Variants in SYT1 observed in about 807,000 individuals in gnomAD.
SYT1 encodes the protein synaptotagmin-1.
In SYT1, 8 loss-of-function variants were observed where a neutral mutation model predicts 44.8. The observed-to-expected ratio is 0.18, with a 90% CI of 0.10 to 0.32. The LOEUF is 0.32. Among genes scored for constraint, SYT1 ranks in the 10% least tolerant of loss-of-function variants. The pLI is 1.00. For missense variants in SYT1, 286 were observed against 509.3 expected, an observed-to-expected ratio of 0.56 and a Z score of 4.22; for synonymous variants, 154 against 188.8, an observed-to-expected ratio of 0.82 and a Z score of 1.51.
chr12:79,272,403 G>C (rs956960288), intron 4 of SYT1, among the ~76,000 whole-genome samples: 1 of 152,112 alleles, frequency 6.6e-6, no homozygotes, highest in Non-Finnish European at 1.5e-5. Context: ...ATAATATCAG[G>C]TCTACACCTT....
chr12:79,287,668 C>T (rs1172415327), intron 5 of SYT1, among the ~76,000 whole-genome samples: 1 of 152,102 alleles, frequency 6.6e-6, no homozygotes, highest in Non-Finnish European at 1.5e-5. Context: ...GATAGCATTT[C>T]TTCCTAGGAC....
At chr12:79,427,017 A>G (rs570091469) in intron 9 of SYT1, among the ~76,000 whole-genome samples, 38 of 152,318 alleles carry the variant, frequency 2.5e-4, no homozygotes, top group African/African-American at 8.4e-4. Context: ...CCCTTCTGCC[A>G]TGATTGTAAG....
intron 1 of SYT1, among the ~76,000 whole-genome samples, chr12:78,908,316 C>T (rs114582788): frequency 6.9e-4 from 104 of 151,824 alleles, no homozygotes; most frequent in African/African-American, 2.5e-3. Flanking sequence ...TTTCTTAATC[C>T]ATTATTTTAG....
At chr12:79,347,531 G>C (rs1478421297) in intron 8 of SYT1, among the ~76,000 whole-genome samples, 2 of 152,126 alleles carry the variant, frequency 1.3e-5, no homozygotes, top group Non-Finnish European at 2.9e-5. Context: ...CACTCCCAAA[G>C]AGGGGTTGAT....
intron 5 of SYT1, among the ~76,000 whole-genome samples, chr12:79,291,450 T>G (rs565195863): frequency 2.4e-4 from 36 of 152,280 alleles, no homozygotes; most frequent in African/African-American, 8.7e-4. Flanking sequence ...TGGTGGTATG[T>G]TTTTTTCCTC....
chr12:79,212,151 C>T (rs1472402178), intron 3 of SYT1, among the ~76,000 whole-genome samples: 2 of 152,024 alleles, frequency 1.3e-5, no homozygotes, highest in Non-Finnish European at 2.9e-5. Flanking sequence ...GAAAATGTGG[C>T]ACATATACAC....
intron 8 of SYT1, among the ~76,000 whole-genome samples, chr12:79,320,872 C>T (rs986867923): frequency 1.6e-4 from 24 of 151,878 alleles, no homozygotes; most frequent in East Asian, 3.9e-4. Flanking sequence ...CGGCCCAACT[C>T]GGCCTCCCAA....
chr12:78,865,689 C>G (rs1327566543), intron 1 of SYT1, among the ~76,000 whole-genome samples: 1 of 152,048 alleles, frequency 6.6e-6, no homozygotes, highest in Non-Finnish European at 1.5e-5. Flanking sequence ...AGAGAGGAAG[C>G]GTCAAGTTTG....
chr12:79,073,449 C>G (rs554992189), intron 3 of SYT1, among the ~76,000 whole-genome samples: 1 of 152,030 alleles, frequency 6.6e-6, no homozygotes, highest in Non-Finnish European at 1.5e-5. Flanking sequence ...CAAGGTTAGG[C>G]GAATTCGGAA....
intron 3 of SYT1, among the ~76,000 whole-genome samples, chr12:79,151,061 A>T (rs558328519): frequency 6.6e-6 from 1 of 152,284 alleles, no homozygotes; most frequent in African/African-American, 2.4e-5. Flanking sequence ...TGACTGTGCC[A>T]CAGACCCAGA....
At chr12:79,251,883 A>G (rs1243328050) in intron 4 of SYT1, among the ~76,000 whole-genome samples, 1 of 151,354 alleles carries the variant, frequency 6.6e-6, no homozygotes, top group Non-Finnish European at 1.5e-5. Context: ...AACTAAGTGT[A>G]TAGTAACTGA....
intron 1 of SYT1, among the ~76,000 whole-genome samples, chr12:78,885,140 G>A (rs10861087): frequency 0.47 from 71,421 of 151,138 alleles, 17,509 homozygotes; most frequent in Non-Finnish European, 0.55. Context: ...CTGAGCATTA[G>A]TTCAAAATGT....
chr12:79,256,391 T>A (rs957611783), intron 4 of SYT1, among the ~76,000 whole-genome samples: 1 of 152,254 alleles, frequency 6.6e-6, no homozygotes, highest in Non-Finnish European at 1.5e-5. Flanking sequence ...TAGCTCCAGA[T>A]TGATTTTAAT....
At chr12:79,179,172 A>T (rs1409505780) in intron 3 of SYT1, among the ~76,000 whole-genome samples, 4 of 82,594 alleles carry the variant, frequency 4.8e-5, no homozygotes, top group Admixed American at 1.3e-4. Context: ...AGATATAGAT[A>T]TAGATATATA....
chr12:79,166,539 C>A (rs1237057699), intron 3 of SYT1, among the ~76,000 whole-genome samples: 1 of 151,880 alleles, frequency 6.6e-6, no homozygotes. Flanking sequence ...CCATCTAGGT[C>A]ATTTTTAGAC....
chr12:79,422,944 A>G (rs907996218), intron 9 of SYT1, among the ~76,000 whole-genome samples: 1 of 152,128 alleles, frequency 6.6e-6, no homozygotes, highest in Non-Finnish European at 1.5e-5. Context: ...TCTGTCAGAA[A>G]GAAGCAGCCC....
chr12:79,449,435 G>T lies in SYT1; in HGVS notation c.*311G>T. The T allele has an allele frequency of 3.4e-6, 1 of 293,694 alleles. No homozygotes were observed. The highest frequency in any genetic ancestry group is 4.7e-5 in the South Asian group (1 of 21,296). 18.2% of individuals were successfully genotyped at this position (293,694 alleles called of 1,614,324 possible). A position where few individuals can be genotyped will look rare whatever the true frequency, so the allele number is the denominator to read the frequency against. The stretch of plus-strand genomic sequence containing the variant: ...TGCTAAAGATTTATTTCTAGTTTGT[G>T]TATTTGTATGTTGTAAGCGTTTCCT... On this transcript the variant is annotated 3_prime_UTR_variant, in exon 11 of 11. Transcript: ENST00000261205.
intron 4 of SYT1, among the ~76,000 whole-genome samples, chr12:79,221,127 A>C (rs1875133373): frequency 6.6e-6 from 1 of 152,150 alleles, no homozygotes; most frequent in Non-Finnish European, 1.5e-5. Flanking sequence ...ATATGTTTGC[A>C]ATTATTATAT....
intron 1 of SYT1, among the ~76,000 whole-genome samples, chr12:78,954,879 A>G (rs917334400): frequency 1.3e-5 from 2 of 152,078 alleles, no homozygotes; most frequent in East Asian, 1.9e-4. Context: ...TTTAAATTCT[A>G]TTTTTGAGCT....
Sources: allele counts gnomAD v4.1 joint callset (sites outside exome capture counted in the v4.1 genomes callset), GRCh38; gene constraint gnomAD v4.1.1; transcripts MANE v1.5; gene names NCBI Gene and HGNC (gene_info 2026-07-23, HGNC 2026-07-21).